THSD7B: variants seen among roughly 807,000 people sequenced by gnomAD.
THSD7B encodes the protein thrombospondin type 1 domain containing 7B, also known as thrombospondin type-1 domain-containing protein 7B.
Under a neutral mutation model 213.6 loss-of-function variants are expected in THSD7B, and 138 were observed. The ratio of observed to expected loss-of-function variants is 0.65; its 90% CI spans 0.56 to 0.74. The LOEUF is 0.74. THSD7B is among the 30% of genes least tolerant of loss of function. THSD7B has a pLI of 0.00. For synonymous variants in THSD7B, 742 were observed against 687.0 expected, an observed-to-expected ratio of 1.08 and a Z score of -1.25; for missense variants, 1,931 against 1,991.5, an observed-to-expected ratio of 0.97 and a Z score of 0.58.
chr2:137,483,887 C>T (rs148186743), intron 15 of THSD7B, among the ~76,000 whole-genome samples: 3 of 152,106 alleles, frequency 2.0e-5, no homozygotes, highest in Admixed American at 1.3e-4. Context: ...GGGAGCGAGA[C>T]CTAAAGAAGA....
chr2:137,431,573 T>C (rs377234350), intron 14 of THSD7B, among the ~76,000 whole-genome samples: 2 of 152,248 alleles, frequency 1.3e-5, no homozygotes, highest in East Asian at 3.8e-4. Context: ...TAAAATATTT[T>C]GATTTTCTTC....
At chr2:137,465,632 G>C (rs536078731) in intron 15 of THSD7B, among the ~76,000 whole-genome samples, 2 of 152,172 alleles carry the variant, frequency 1.3e-5, no homozygotes, top group South Asian at 2.1e-4. Context: ...GTCCATCATT[G>C]TTCTTTCCTA....
At chr2:137,083,667 A>G (rs115416494) in intron 3 of THSD7B, among the ~76,000 whole-genome samples, 6 of 152,104 alleles carry the variant, frequency 3.9e-5, no homozygotes, top group Admixed American at 1.3e-4. Flanking sequence ...TTTTGAATCT[A>G]TCTCAGTTCT....
chr2:137,083,623 A>G (rs1687787029), intron 3 of THSD7B, among the ~76,000 whole-genome samples: 1 of 152,160 alleles, frequency 6.6e-6, no homozygotes, highest in Non-Finnish European at 1.5e-5. Context: ...ATTAAAAGTA[A>G]TAGCATACAT....
intron 1 of THSD7B, among the ~76,000 whole-genome samples, chr2:136,877,884 A>G (rs551742392): frequency 1.3e-5 from 2 of 152,082 alleles, no homozygotes; most frequent in South Asian, 2.1e-4. Flanking sequence ...TTAATCCTAT[A>G]CACATGAGGA....
intron 1 of THSD7B, among the ~76,000 whole-genome samples, chr2:136,868,758 T>G (rs1683385463): frequency 6.6e-6 from 1 of 152,138 alleles, no homozygotes; most frequent in South Asian, 2.1e-4. Context: ...AAAATCTCTC[T>G]TTCTCGACAA....
intron 15 of THSD7B, among the ~76,000 whole-genome samples, chr2:137,533,308 A>G (rs983903100): frequency 2.0e-5 from 3 of 151,822 alleles, no homozygotes; most frequent in Non-Finnish European, 4.4e-5. Flanking sequence ...TCGAATACAG[A>G]GTAAATCCTG....
chr2:137,045,365 A>AC (rs1558898421), intron 2 of THSD7B, among the ~76,000 whole-genome samples: 1 of 152,158 alleles, frequency 6.6e-6, no homozygotes, highest in Non-Finnish European at 1.5e-5. Flanking sequence ...CAATCTTGTA[A>AC]CCCAGAGGGC....
chr2:137,244,496 T>C (rs2105067215), intron 10 of THSD7B, among the ~76,000 whole-genome samples: 1 of 152,322 alleles, frequency 6.6e-6, no homozygotes, highest in Non-Finnish European at 1.5e-5. Context: ...AAGAAAATTC[T>C]CTCTGCTACT....
chr2:137,178,861 C>G (rs1558948562), intron 7 of THSD7B, among the ~76,000 whole-genome samples: 1 of 152,174 alleles, frequency 6.6e-6, no homozygotes, highest in African/African-American at 2.4e-5. Flanking sequence ...TCTTTTTTCT[C>G]CTTTAGAAAG....
At chr2:137,638,561 T>G (rs1682877902) in intron 20 of THSD7B, among the ~76,000 whole-genome samples, 1 of 152,120 alleles carries the variant, frequency 6.6e-6, no homozygotes, top group Non-Finnish European at 1.5e-5. Context: ...GGGGCACTGC[T>G]GAAAAGATAC....
At chr2:137,350,642 A>T (rs979832671) in intron 12 of THSD7B, among the ~76,000 whole-genome samples, 1 of 151,762 alleles carries the variant, frequency 6.6e-6, no homozygotes, top group Admixed American at 6.6e-5. Flanking sequence ...TCTGCAAGCA[A>T]TGTGGAGAAT....
At chr2:137,558,526 A>AT (rs1681035601) in intron 15 of THSD7B, among the ~76,000 whole-genome samples, 1 of 152,236 alleles carries the variant, frequency 6.6e-6, no homozygotes, top group African/African-American at 2.4e-5. Flanking sequence ...CTTCATTCTA[A>AT]AAACTCTCAA....
intron 2 of THSD7B, among the ~76,000 whole-genome samples, chr2:136,938,746 T>C (rs1381873051): frequency 6.6e-6 from 1 of 152,128 alleles, no homozygotes; most frequent in Non-Finnish European, 1.5e-5. Flanking sequence ...GACAGAGCTT[T>C]TGAAAGGAAA....
chr2:136,939,123 A>G (rs1398325908), intron 2 of THSD7B, among the ~76,000 whole-genome samples: 1 of 152,048 alleles, frequency 6.6e-6, no homozygotes, highest in African/African-American at 2.4e-5. Flanking sequence ...AATAAGAACG[A>G]CTTTTCCATC....
intron 2 of THSD7B, among the ~76,000 whole-genome samples, chr2:136,909,394 A>G (rs917414832): frequency 3.3e-5 from 5 of 151,662 alleles, no homozygotes; most frequent in African/African-American, 1.2e-4. Context: ...CCTTTATCCA[A>G]AGATAAAGTA....
intron 12 of THSD7B, among the ~76,000 whole-genome samples, chr2:137,354,519 A>G (rs1685086243): frequency 1.3e-5 from 2 of 152,038 alleles, no homozygotes; most frequent in Admixed American, 1.3e-4. Flanking sequence ...ATAGAATAAT[A>G]TTGTATTTAG....
At chr2:137,263,077 G>T (rs1573919326) in intron 10 of THSD7B, among the ~76,000 whole-genome samples, 1 of 152,128 alleles carries the variant, frequency 6.6e-6, no homozygotes, top group Non-Finnish European at 1.5e-5. Flanking sequence ...GAGGATATTG[G>T]AAGGAGTCCC....
At chr2:136,985,126 T>C (rs1377430885) in intron 2 of THSD7B, among the ~76,000 whole-genome samples, 1 of 151,996 alleles carries the variant, frequency 6.6e-6, no homozygotes, top group Non-Finnish European at 1.5e-5. Flanking sequence ...GTATAAACAT[T>C]TGGAAAATTT....
Sources: allele counts gnomAD v4.1 joint callset (sites outside exome capture counted in the v4.1 genomes callset), GRCh38; gene constraint gnomAD v4.1.1; transcripts MANE v1.5; gene names NCBI Gene and HGNC (gene_info 2026-07-23, HGNC 2026-07-21).